CRADD: variants seen among roughly 807,000 people sequenced by gnomAD.
CRADD encodes the protein death domain-containing protein CRADD.
A neutral mutation model predicts 15.5 loss-of-function variants in CRADD; 9 were observed. The observed-to-expected ratio is 0.58, with a 90% confidence interval of 0.35 to 1.01. The LOEUF is 1.01. CRADD is among the 50% of genes least tolerant of loss of function. The pLI is 0.02. For synonymous variants in CRADD, 118 were observed against 107.6 expected (o/e 1.10, Z -0.60); for missense variants, 227 against 250.3 (o/e 0.91, Z 0.63).
chr12:93,720,562 A>G (rs759239834), intron 2 of CRADD, among the ~76,000 whole-genome samples: 19 of 152,144 alleles, frequency 1.2e-4, no homozygotes, highest in Non-Finnish European at 2.5e-4. Flanking sequence ...TTACAGTTCT[A>G]TCAGTTTTAC....
At chr12:93,893,020 G>A (rs963801059) in intron 2 of CRADD, among the ~76,000 whole-genome samples, 38 of 152,312 alleles carry the variant, frequency 2.5e-4, no homozygotes, top group African/African-American at 8.9e-4. Flanking sequence ...GCTTGACAAG[G>A]TCCCCAAGAC....
At chr12:93,790,435 C>T (rs925326833) in intron 2 of CRADD, among the ~76,000 whole-genome samples, 14 of 151,608 alleles carry the variant, frequency 9.2e-5, no homozygotes, top group Non-Finnish European at 1.8e-4. Flanking sequence ...ACATTGTGCA[C>T]ATGTACCCTA....
chr12:93,687,704 C>T (rs1156241600), intron 2 of CRADD, among the ~76,000 whole-genome samples: 1 of 152,114 alleles, frequency 6.6e-6, no homozygotes, highest in Non-Finnish European at 1.5e-5. Context: ...TCAGGTAGCA[C>T]CAGATGGAAG....
chr12:93,678,647 C>A lies in CRADD; in HGVS notation c.-6-122C>A, dbSNP rs932378337. On this transcript the variant is annotated intron_variant, in intron 1 of 2. Coordinates refer to ENST00000332896, the MANE Select transcript of CRADD (RefSeq NM_003805.5). ...TTAATCAGTGAATTAAATACCATGA[C>A]CTGGCAGTCTGCTATGGTTTAAAGA... 7.2e-6 allele frequency: 7 copies of A among 972,564 alleles called. No individual in the cohort carries two copies. In the East Asian group the frequency reaches 1.6e-4, roughly 22 times the overall value. 60.2% of individuals were successfully genotyped at this position (972,564 alleles called of 1,614,324 possible).
At chr12:93,741,803 G>A (rs1457642608) in intron 2 of CRADD, among the ~76,000 whole-genome samples, 1 of 152,080 alleles carries the variant, frequency 6.6e-6, no homozygotes, top group African/African-American at 2.4e-5. Context: ...TCATAGCTAT[G>A]GTCAAAATAA....
At chr12:93,831,293 C>G (rs1324436480) in intron 2 of CRADD, 1 of 152,288 alleles carries the variant, frequency 6.6e-6, no homozygotes, top group East Asian at 1.9e-4. Flanking sequence ...GTCAAAACTC[C>G]TGTGCTGATC....
rs570990673 is a variant in CRADD, at chr12:93,716,179, A to G, written c.298+37107A>G. 2.0e-4 allele frequency among the ~76,000 whole-genome samples: 30 copies of G among 152,050 alleles called. No homozygotes were observed. In the South Asian group the frequency reaches 6.2e-3, roughly 32 times the overall value. On this transcript the variant is annotated intron_variant, in intron 2 of 2. Coordinates refer to ENST00000332896, the MANE Select transcript of CRADD (RefSeq NM_003805.5). ...ATTACTTAGATGAGCTAATTTTTGAAGATGGTCTTATAAAGTTTATTTTTT... is the reference window on the plus strand; with the variant it reads ...ATTACTTAGATGAGCTAATTTTTGAGGATGGTCTTATAAAGTTTATTTTTT...
downstream of CRADD, among the ~76,000 whole-genome samples, chr12:93,851,649 T>C (rs879259220): frequency 6.6e-6 from 1 of 152,212 alleles, no homozygotes; most frequent in African/African-American, 2.4e-5. Flanking sequence ...CTGAGGGCAC[T>C]GTGGGAGGAG....
At chr12:93,878,184 A>G (rs1054027621) in intron 2 of CRADD, among the ~76,000 whole-genome samples, 36 of 152,212 alleles carry the variant, frequency 2.4e-4, no homozygotes, top group African/African-American at 8.4e-4. Context: ...GATTTTGTCC[A>G]AGACCATTAA....
At chr12:93,864,562 CTT>C (rs1300080810) in intron 2 of CRADD, among the ~76,000 whole-genome samples, 1 of 152,238 alleles carries the variant, frequency 6.6e-6, no homozygotes, top group African/African-American at 2.4e-5. Context: ...AGTCAATTCT[CTT>C]TGCTGGATCC....
chr12:93,867,661 A>G (rs541101227), intron 2 of CRADD, among the ~76,000 whole-genome samples: 1 of 152,122 alleles, frequency 6.6e-6, no homozygotes, highest in Non-Finnish European at 1.5e-5. Flanking sequence ...ATTGCAGTAA[A>G]TTTCAAAAGT....
Position 93,794,766 on chromosome 12 carries a change from C to T in CRADD, c.299-55204C>T, listed in dbSNP as rs1039385471. ...ATCCCATAGCACTTAGAAGGAAAGC[C>T]GAACTCCTTTGTGATGTACCTGCTG... On this transcript the variant is annotated intron_variant, in intron 2 of 2. Transcript: ENST00000332896. 5.3e-5 allele frequency among the ~76,000 whole-genome samples: 8 copies of T among 152,140 alleles called. No individual in the cohort carries two copies. The South Asian group carries it at 1.0e-3, about 20-fold the overall frequency.
chr12:93,732,116 A>G (rs1295983034), intron 2 of CRADD, among the ~76,000 whole-genome samples: 1 of 151,650 alleles, frequency 6.6e-6, no homozygotes, highest in Admixed American at 6.6e-5. Flanking sequence ...AGCCTGGGCG[A>G]CAAGAGTGAA....
chr12:93,728,913 C>A (rs1956416003), intron 2 of CRADD, among the ~76,000 whole-genome samples: 1 of 152,178 alleles, frequency 6.6e-6, no homozygotes, highest in Admixed American at 6.5e-5. Context: ...ATAGCTACAA[C>A]AGGAAGTCTA....
chr12:93,820,820 G>A (rs905308463), intron 2 of CRADD, among the ~76,000 whole-genome samples: 18 of 152,146 alleles, frequency 1.2e-4, no homozygotes, highest in Admixed American at 2.0e-4. Context: ...TTGGTTTCCC[G>A]TTGCCCCTGA....
intron 2 of CRADD, among the ~76,000 whole-genome samples, chr12:93,717,965 T>C (rs1956191532): frequency 6.6e-6 from 1 of 152,232 alleles, no homozygotes; most frequent in Non-Finnish European, 1.5e-5. Context: ...TTTTGCTCCA[T>C]TGTCAAAGAT....
At chr12:93,703,226 G>T (rs1473394023) in intron 2 of CRADD, among the ~76,000 whole-genome samples, 3 of 152,084 alleles carry the variant, frequency 2.0e-5, no homozygotes, top group African/African-American at 7.2e-5. Context: ...TTTTTAAAAA[G>T]TCCTTTTAAT....
In CRADD at chr12:93,803,669, A is replaced by C. The variant is rs148286404; in HGVS notation, c.299-46301A>C. 2.6e-5 allele frequency among the ~76,000 whole-genome samples: 4 copies of C among 151,738 alleles called. No homozygotes were observed. In the East Asian group the frequency reaches 7.8e-4, roughly 30 times the overall value. Reference sequence around the variant, plus strand: ...TTACTTCCAGCTGAAATGGAAAAGAAACAAAACAAAACAGAAACTCATCTG... The same window carrying C: ...TTACTTCCAGCTGAAATGGAAAAGACACAAAACAAAACAGAAACTCATCTG... On this transcript the variant is annotated intron_variant, in intron 2 of 2. Coordinates refer to ENST00000332896, the MANE Select transcript of CRADD (RefSeq NM_003805.5).
intron 2 of CRADD, among the ~76,000 whole-genome samples, chr12:93,763,372 T>TAA (rs35912957): frequency 1.3e-5 from 2 of 151,090 alleles, no homozygotes; most frequent in Non-Finnish European, 3.0e-5. Flanking sequence ...TCCTCTCTAT[T>TAA]AAAAAAAAAT....
Sources: allele counts gnomAD v4.1 joint callset (sites outside exome capture counted in the v4.1 genomes callset), GRCh38; gene constraint gnomAD v4.1.1; transcripts MANE v1.5; gene names NCBI Gene and HGNC (gene_info 2026-07-23, HGNC 2026-07-21).